The following KCNN2 variants were observed in gnomAD, a reference collection of about 807,000 sequenced individuals.
The protein encoded by KCNN2 is small conductance calcium-activated potassium channel protein 2.
Under a neutral mutation model 55.5 loss-of-function variants are expected in KCNN2, and 24 were observed. The ratio of observed to expected loss-of-function variants is 0.43; its 90% CI spans 0.31 to 0.61. The LOEUF (loss-of-function observed/expected upper bound fraction) is 0.61. Among genes scored for constraint, KCNN2 ranks in the 20% least tolerant of loss-of-function variants. The pLI, the probability that KCNN2 is intolerant of heterozygous loss-of-function variation, is 0.08. For missense variants in KCNN2, 754 were observed against 853.6 expected (o/e 0.88, Z 1.45); for synonymous variants, 431 against 336.1 (o/e 1.28, Z -3.09).
chr5:114,065,113 G>A (rs574577964), intron 1 of KCNN2, among the ~76,000 whole-genome samples: 59 of 152,286 alleles, frequency 3.9e-4, no homozygotes, highest in South Asian at 1.0e-3. Context: ...CACTTGTAGC[G>A]TCACCTCTAC....
At chr5:114,366,691 A>G (rs868087399) in intron 2 of KCNN2, among the ~76,000 whole-genome samples, 1 of 152,310 alleles carries the variant, frequency 6.6e-6, no homozygotes, top group Non-Finnish European at 1.5e-5. Flanking sequence ...ATGGAAAATG[A>G]TGAATTGCCC....
chr5:114,488,482 T>G (rs1476048303), intron 6 of KCNN2, among the ~76,000 whole-genome samples: 1 of 152,130 alleles, frequency 6.6e-6, no homozygotes, highest in African/African-American at 2.4e-5. Context: ...GAAAGGAACA[T>G]TATATTCCAT....
intron 4 of KCNN2, among the ~76,000 whole-genome samples, chr5:114,466,299 G>GGGATGATTTCTGAGTAGCTTTGTACT (rs1761445975): frequency 1.3e-5 from 2 of 152,084 alleles, no homozygotes; most frequent in Non-Finnish European, 2.9e-5. Flanking sequence ...GATAAACAAT[G>GGGATGATTTCTGAGTAGCTTTGTACT]GGATGATTTC....
chr5:114,177,228 C>T lies in KCNN2; in HGVS notation c.-270-44252C>T, dbSNP rs557774252. On this transcript the variant is annotated intron_variant, in intron 1 of 10. Transcript: ENST00000512097. Reference sequence around the variant, plus strand: ...TCTCGGCTCACTGCAAGCTCCGCCTCCCGGGATCACGCCATTCTCCTGCCT... The same window carrying T: ...TCTCGGCTCACTGCAAGCTCCGCCTTCCGGGATCACGCCATTCTCCTGCCT... Among the ~76,000 whole-genome samples, 214 of 151,674 alleles carry T rather than the reference C, an allele frequency of 1.4e-3. 1 individual carries two copies. The highest frequency in any genetic ancestry group is 0.014 in the Middle Eastern group (4 of 292).
chr5:114,469,145 T>C (rs531785448), intron 4 of KCNN2, among the ~76,000 whole-genome samples: 210 of 152,316 alleles, frequency 1.4e-3, no homozygotes, highest in Non-Finnish European at 1.7e-3. Flanking sequence ...TAGGTAATAG[T>C]AACTAATTGT....
At chr5:114,107,275 A>G (rs184801881) in intron 1 of KCNN2, among the ~76,000 whole-genome samples, 229 of 149,040 alleles carry the variant, frequency 1.5e-3, no homozygotes, top group African/African-American at 5.3e-3. Context: ...AGCCAGTACC[A>G]TAGTGTTTTT....
intron 1 of KCNN2, among the ~76,000 whole-genome samples, chr5:114,197,344 G>C (rs1357416686): frequency 6.6e-6 from 1 of 152,228 alleles, no homozygotes; most frequent in African/African-American, 2.4e-5. Context: ...AGTTCTAGTT[G>C]GTTTATAGAA....
At chr5:114,471,382 T>C (rs1761735261) in intron 4 of KCNN2, among the ~76,000 whole-genome samples, 1 of 152,248 alleles carries the variant, frequency 6.6e-6, no homozygotes, top group Non-Finnish European at 1.5e-5. Flanking sequence ...GTATTGTTAT[T>C]GTTTAAAGAA....
intron 3 of KCNN2, among the ~76,000 whole-genome samples, chr5:114,458,627 T>C (rs1761043187): frequency 1.3e-5 from 2 of 152,216 alleles, no homozygotes; most frequent in African/African-American, 4.8e-5. Flanking sequence ...TCAAATTCTT[T>C]ATAATTTCGA....
intron 2 of KCNN2, among the ~76,000 whole-genome samples, chr5:114,222,448 T>C (rs1561529113): frequency 6.6e-6 from 1 of 152,168 alleles, no homozygotes; most frequent in Admixed American, 6.5e-5. Context: ...TTCCCCAAAA[T>C]ACTTTAGGGC....
At chr5:114,478,624 G>GA (rs1424205077) in intron 5 of KCNN2, among the ~76,000 whole-genome samples, 3 of 151,284 alleles carry the variant, frequency 2.0e-5, no homozygotes, top group Non-Finnish European at 4.4e-5. Context: ...CAAAATGCAA[G>GA]AAAAAAAAGT....
chr5:114,349,108 A>G (rs982827961), intron 2 of KCNN2, among the ~76,000 whole-genome samples: 3 of 152,030 alleles, frequency 2.0e-5, no homozygotes, highest in African/African-American at 4.8e-5. Flanking sequence ...ATTTTGTAAC[A>G]TTTTATCTTT....
chr5:114,058,798 T>G lies in KCNN2; in HGVS notation c.-271+2298T>G, dbSNP rs145498840. ...GAAGAGATGTGATTGGGTTTAAGAT[T>G]TTAAAAGACCATTGTGGAGCTGCGT... is the stretch of plus-strand genomic sequence containing the variant. On this transcript the variant is annotated intron_variant, in intron 1 of 10. Coordinates refer to the KCNN2 transcript ENST00000512097. Among the ~76,000 whole-genome samples the G allele has an allele frequency of 3.3e-5, 5 of 152,114 alleles. No individual in the cohort carries two copies. In the East Asian group the frequency reaches 9.7e-4, roughly 29 times the overall value.
intron 2 of KCNN2, among the ~76,000 whole-genome samples, chr5:114,255,016 A>G (rs1317747329): frequency 6.6e-6 from 1 of 152,232 alleles, no homozygotes; most frequent in Non-Finnish European, 1.5e-5. Flanking sequence ...TTGATGCACC[A>G]AAAATGGAAT....
intron 3 of KCNN2, among the ~76,000 whole-genome samples, chr5:114,421,336 G>A (rs1281672363): frequency 6.6e-6 from 1 of 151,964 alleles, no homozygotes; most frequent in Non-Finnish European, 1.5e-5. Flanking sequence ...TGTGGCCCAA[G>A]CTGGAGTGCA....
intron 1 of KCNN2, among the ~76,000 whole-genome samples, chr5:114,072,019 G>A (rs965597236): frequency 5.9e-5 from 9 of 152,190 alleles, no homozygotes; most frequent in Non-Finnish European, 1.2e-4. Context: ...AAGGCTGGGC[G>A]TGGTGCCTCA....
intron 1 of KCNN2, among the ~76,000 whole-genome samples, chr5:114,200,645 C>T (rs7724436): frequency 0.091 from 13,841 of 151,370 alleles, 806 homozygotes; most frequent in Non-Finnish European, 0.12. Flanking sequence ...AGCTGTCACT[C>T]GTTCCATTTT....
intron 2 of KCNN2, among the ~76,000 whole-genome samples, chr5:114,396,489 CG>C (rs1561606023): frequency 6.6e-6 from 1 of 150,750 alleles, no homozygotes; most frequent in Middle Eastern, 3.5e-3. Context: ...AATTGTGTGT[CG>C]GGGGGTTTGG....
intron 5 of KCNN2, 83 bp from the exon 6 acceptor site, chr5:114,486,967 G>T (rs2150137246): frequency 6.7e-7 from 1 of 1,484,776 alleles, no homozygotes; most frequent in Non-Finnish European, 9.3e-7. Flanking sequence ...CATGATCCTT[G>T]GGATGAAGAC....
Sources: allele counts gnomAD v4.1 joint callset (sites outside exome capture counted in the v4.1 genomes callset), GRCh38; gene constraint gnomAD v4.1.1; transcripts MANE v1.5; gene names NCBI Gene and HGNC (gene_info 2026-07-23, HGNC 2026-07-21).